The following PDE8A variants were observed in gnomAD, a reference collection of about 807,000 sequenced individuals.
PDE8A encodes high affinity cAMP-specific and IBMX-insensitive 3',5'-cyclic phosphodiesterase 8A.
A neutral mutation model predicts 105.0 loss-of-function variants in PDE8A; 59 were observed. That is an observed-to-expected ratio of 0.56 (90% CI 0.46 to 0.70). PDE8A has a LOEUF of 0.70. Ranked by LOEUF, PDE8A falls within the 30% of genes least tolerant of loss-of-function variation. The pLI, the probability that PDE8A is intolerant of heterozygous loss-of-function variation, is 0.00. For synonymous variants in PDE8A, 355 were observed against 371.9 expected, an observed-to-expected ratio of 0.95 and a Z score of 0.52; for missense variants, 1,014 against 1,045.9, an observed-to-expected ratio of 0.97 and a Z score of 0.42.
At chr15:85,088,068 T>G (rs12916821) in intron 6 of PDE8A, among the ~76,000 whole-genome samples, 69,497 of 152,052 alleles carry the variant, frequency 0.46, 15,957 homozygotes, top group Middle Eastern at 0.54. Flanking sequence ...GCCCAGGCTG[T>G]AGTGCAGTGA....
intron 11 of PDE8A, among the ~76,000 whole-genome samples, chr15:85,108,570 T>C (rs1475111338): frequency 6.6e-6 from 1 of 152,156 alleles, no homozygotes; most frequent in Non-Finnish European, 1.5e-5. Context: ...GGGAGGCAGA[T>C]GAGCTATCAT....
At chr15:85,121,228 C>T (rs145347009) in intron 18 of PDE8A, among the ~76,000 whole-genome samples, 117 of 151,674 alleles carry the variant, frequency 7.7e-4, no homozygotes, top group African/African-American at 2.7e-3. Flanking sequence ...CCAGCCTGGG[C>T]AACGTAGGGA....
At chr15:85,043,275 G>A (rs1409387601) in intron 1 of PDE8A, among the ~76,000 whole-genome samples, 1 of 152,182 alleles carries the variant, frequency 6.6e-6, no homozygotes, top group Admixed American at 6.5e-5. Context: ...ATAGCACTGA[G>A]TTCTCAACCT....
intron 8 of PDE8A, among the ~76,000 whole-genome samples, chr15:85,095,872 A>AT (rs1320006379): frequency 1.6e-4 from 19 of 121,180 alleles, no homozygotes; most frequent in African/African-American, 9.2e-4. Context: ...ATATATATAT[A>AT]TATTTTTTTT....
chr15:85,056,988 G>T (rs182013884), intron 1 of PDE8A, among the ~76,000 whole-genome samples: 26 of 152,258 alleles, frequency 1.7e-4, no homozygotes, highest in African/African-American at 6.0e-4. Context: ...ACCTACAGAT[G>T]GGGTTTTGGT....
upstream of PDE8A, among the ~76,000 whole-genome samples, chr15:84,981,233 C>G (rs1006687461): frequency 1.3e-5 from 2 of 152,198 alleles, no homozygotes; most frequent in African/African-American, 4.8e-5. Context: ...GTCGGGCGCC[C>G]CGCCTGTCGT....
In PDE8A at chr15:85,086,163, C is replaced by G. The variant is rs191502635; in HGVS notation, c.635+2519C>G. On this transcript the variant is annotated intron_variant, in intron 6 of 21. Coordinates refer to ENST00000394553, the MANE Select transcript of PDE8A (RefSeq NM_002605.3). ...TTAAGCTACGTTCCAATCTCATGTC[C>G]TACCCGCAAAATGAACTCCAATGAA... Among the ~76,000 whole-genome samples, 485 of 152,248 alleles carry G rather than the reference C, an allele frequency of 3.2e-3. 3 individuals are homozygous for G. The highest frequency in any genetic ancestry group is 0.011 in the African/African-American group (455 of 41,550).
chr15:84,999,877 C>G (rs2080040381), intron 1 of PDE8A, among the ~76,000 whole-genome samples: 1 of 152,170 alleles, frequency 6.6e-6, no homozygotes, highest in South Asian at 2.1e-4. Flanking sequence ...CCCGGCTGGC[C>G]TCCCTTTTAA....
intron 1 of PDE8A, among the ~76,000 whole-genome samples, chr15:85,059,059 A>G (rs1026451291): frequency 3.9e-5 from 6 of 152,100 alleles, no homozygotes; most frequent in South Asian, 2.1e-4. Context: ...GCTACATCCC[A>G]TAAGTTTTAG....
At chr15:85,028,038 A>G (rs2141367988) in intron 1 of PDE8A, among the ~76,000 whole-genome samples, 1 of 152,328 alleles carries the variant, frequency 6.6e-6, no homozygotes, top group African/African-American at 2.4e-5. Flanking sequence ...ACTGTGGTAA[A>G]CGATGCTGTG....
At chr15:84,991,395 A>G (rs925585491) in intron 1 of PDE8A, among the ~76,000 whole-genome samples, 1 of 152,260 alleles carries the variant, frequency 6.6e-6, no homozygotes, top group African/African-American at 2.4e-5. Context: ...TTTCAACCTC[A>G]TTGGGGAAAT....
chr15:85,108,986 TTGG>T, intron 11 of PDE8A, 64 bp from the exon 12 acceptor site: 2 of 1,100,998 alleles, frequency 1.8e-6, no homozygotes, highest in Non-Finnish European at 1.3e-6. Context: ...AAATTTTAGA[TTGG>T]TAACCTTCCT....
chr15:84,984,252 A>G (rs1237745373), intron 1 of PDE8A, among the ~76,000 whole-genome samples: 1 of 152,242 alleles, frequency 6.6e-6, no homozygotes, highest in African/African-American at 2.4e-5. Flanking sequence ...CATGAACTGT[A>G]CATGTTGATA....
chr15:85,132,812 A>T (rs2082347674), intron 20 of PDE8A, among the ~76,000 whole-genome samples: 1 of 148,450 alleles, frequency 6.7e-6, no homozygotes, highest in Non-Finnish European at 1.5e-5. Context: ...TGTGGTGTTC[A>T]CCTGTCATTT....
Position 85,139,139 on chromosome 15 carries a change from G to T in PDE8A, c.*1236G>T, listed in dbSNP as rs1278130719. Reference sequence around the variant, plus strand: ...ATGAAATTAAACCATTTCTTTTTAAGAAATCATGTTTTATCATCTTTTTGG... The same window carrying T: ...ATGAAATTAAACCATTTCTTTTTAATAAATCATGTTTTATCATCTTTTTGG... On this transcript the variant is annotated 3_prime_UTR_variant, in exon 22 of 22. Coordinates refer to ENST00000394553, the MANE Select transcript of PDE8A (RefSeq NM_002605.3). 1 of 151,774 alleles carries T rather than the reference G, an allele frequency of 6.6e-6. No homozygotes were observed. The highest frequency in any genetic ancestry group is 2.4e-5 in the African/African-American group (1 of 41,318). The allele number at this position is 151,774 out of a possible 1,614,324, so 9.4% of individuals were successfully genotyped here. A position where few individuals can be genotyped will look rare whatever the true frequency, so the allele number is the denominator to read the frequency against.
Position 85,083,597 on chromosome 15 carries a change from A to T in PDE8A, c.588A>T (p.Glu196Asp). 6.2e-7 allele frequency: 1 copy of T among 1,613,694 alleles called. No homozygotes were observed. Among genetic ancestry groups the T allele is most frequent in the Non-Finnish European group, 8.5e-7 (1 of 1,179,620 alleles). The part of the protein sequence containing the change: ...ENPNIMACYN[E>D]LLQLEFGEVR... ...CCAACATCATGGCCTGCTACAATGA[A>T]CTGCTCCAGCTGGAGTTTGGAGAGG... Residue 196 changes from glutamate (E) to aspartate (D), a missense_variant, in exon 6 of 22, where the codon GAA becomes GAT. Transcript: ENST00000394553.
intron 1 of PDE8A, among the ~76,000 whole-genome samples, chr15:85,007,504 C>T (rs941002145): frequency 4.6e-5 from 7 of 151,414 alleles, no homozygotes; most frequent in South Asian, 2.1e-4. Context: ...AGTACAGTTA[C>T]GCTATATGTA....
At chr15:85,000,971 G>A (rs145782811) in intron 1 of PDE8A, among the ~76,000 whole-genome samples, 3 of 152,266 alleles carry the variant, frequency 2.0e-5, no homozygotes, top group African/African-American at 7.2e-5. Flanking sequence ...CCTGCAAGCA[G>A]AGGTTCAGAA....
intron 1 of PDE8A, among the ~76,000 whole-genome samples, chr15:85,024,279 C>T (rs958790608): frequency 2.6e-5 from 4 of 152,190 alleles, no homozygotes; most frequent in Admixed American, 1.3e-4. Context: ...TTGATGAAAG[C>T]AGGGACTGTA....
Sources: gnomAD v4.1 joint callset for allele counts (sites outside exome capture counted in the v4.1 genomes callset) on GRCh38, gnomAD v4.1.1 for gene constraint, MANE v1.5 for transcripts, NCBI Gene and HGNC (gene_info 2026-07-23, HGNC 2026-07-21) for gene names.